Variants in ERICH1 observed in about 807,000 individuals in gnomAD.
ERICH1 encodes glutamate rich 1, also known as glutamate-rich protein 1.
In ERICH1, 56 loss-of-function variants were observed where a neutral mutation model predicts 39.6. The ratio of observed to expected loss-of-function variants is 1.41; its 90% CI spans 1.14 to 1.77. The LOEUF (loss-of-function observed/expected upper bound fraction) is 1.77, where lower values mean the gene tolerates loss of function less well. ERICH1 is among the 40% of genes most tolerant of loss of function. The probability of loss-of-function intolerance (pLI) is 0.00; values close to 1 mark genes in which losing one functional copy is unlikely to be tolerated. For synonymous variants in ERICH1, 313 were observed against 223.6 expected (o/e 1.40, Z -3.57); for missense variants, 826 against 575.4 (o/e 1.44, Z -4.45).
chr8:621,336 C>G (rs1584933619), intron 3 of ERICH1, among the ~76,000 whole-genome samples: 1 of 152,056 alleles, frequency 6.6e-6, no homozygotes, highest in Non-Finnish European at 1.5e-5. Flanking sequence ...AAATCAATAA[C>G]CTTTCTACCT....
intron 3 of ERICH1, chr8:615,410 T>C: frequency 1.8e-6 from 1 of 559,490 alleles, no homozygotes; most frequent in Non-Finnish European, 3.1e-6. Context: ...AAGCCCTGCT[T>C]TCCTCAGTCA....
At chr8:707,077 T>C (rs924074617) in intron 2 of ERICH1, among the ~76,000 whole-genome samples, 15 of 151,958 alleles carry the variant, frequency 9.9e-5, no homozygotes, top group Non-Finnish European at 1.0e-4. Context: ...AATTCAAAAC[T>C]TAGTACACAG....
At chr8:637,622 AGC>A (rs2117177662) in intron 3 of ERICH1, 1 of 152,428 alleles carries the variant, frequency 6.6e-6, no homozygotes, top group East Asian at 1.9e-4. Context: ...AGGGCAGGGA[AGC>A]TGTGTGGGGT....
intron 3 of ERICH1, among the ~76,000 whole-genome samples, chr8:630,106 C>A (rs1181284355): frequency 1.5e-5 from 2 of 135,736 alleles, no homozygotes; most frequent in Admixed American, 7.2e-5. Context: ...CTGACTCACA[C>A]CCTCCCGTGA....
At chr8:639,089 A>G (rs1798697688) in intron 3 of ERICH1, among the ~76,000 whole-genome samples, 1 of 152,152 alleles carries the variant, frequency 6.6e-6, no homozygotes, top group African/African-American at 2.4e-5. Flanking sequence ...GAGGTCATGA[A>G]TGTCCCCAGC....
chr8:715,750 G>C, intron 2 of ERICH1, 111 bp downstream of exon 2: 1 of 1,434,776 alleles, frequency 7.0e-7, no homozygotes, highest in Non-Finnish European at 9.4e-7. Flanking sequence ...GCCCTCTGCA[G>C]ACCTGCAGAC....
chr8:632,912 C>T (rs1471988486), intron 3 of ERICH1, among the ~76,000 whole-genome samples: 5 of 152,168 alleles, frequency 3.3e-5, no homozygotes, highest in African/African-American at 1.2e-4. Context: ...ACAAGACGTC[C>T]CACGGTGCAC....
At chr8:630,417 G>A (rs1160386600) in intron 3 of ERICH1, among the ~76,000 whole-genome samples, 1 of 139,620 alleles carries the variant, frequency 7.2e-6, no homozygotes, top group East Asian at 2.3e-4. Context: ...ACCCTCCTGT[G>A]ACCACCCACA....
In ERICH1 at chr8:664,482, G is replaced by C; in HGVS notation, c.*121C>G. 1 of 1,329,092 alleles carries C rather than the reference G, an allele frequency of 7.5e-7. No individual in the cohort carries two copies. The highest frequency in any genetic ancestry group is 9.7e-7 in the Non-Finnish European group (1 of 1,035,746). The allele number at this position is 1,329,092 out of a possible 1,614,324, so 82.3% of individuals were successfully genotyped here. A position where few individuals can be genotyped will look rare whatever the true frequency, so the allele number is the denominator to read the frequency against. On this transcript the variant is annotated 3_prime_UTR_variant, in exon 6 of 6. Coordinates refer to ENST00000262109, the MANE Select transcript of ERICH1 (RefSeq NM_207332.3). ...TCTTGCCCACCAGGAACAAACACGT[G>C]AATAAATAATATGGCATAAATGTCT...
chr8:719,488 G>A lies in ERICH1; in HGVS notation c.23-3481C>T, dbSNP rs567439601. The stretch of plus-strand genomic sequence containing the variant: ...CTTCTCTCAGCTGACGCCCGCGGTC[G>A]CCCGCAGGTGCTGTGAGGTCTGCTG... On this transcript the variant is annotated intron_variant, in intron 1 of 5. Transcript: ENST00000262109. Among the ~76,000 whole-genome samples the A allele has an allele frequency of 1.1e-3, 164 of 152,348 alleles. 1 individual carries two copies. The highest frequency in any genetic ancestry group is 3.6e-3 in the African/African-American group (150 of 41,578).
At chr8:705,533 T>C (rs1026824725) in intron 2 of ERICH1, among the ~76,000 whole-genome samples, 19 of 152,108 alleles carry the variant, frequency 1.2e-4, no homozygotes, top group African/African-American at 4.3e-4. Context: ...TTCTTCAACA[T>C]GATAAAGGCC....
intron 2 of ERICH1, among the ~76,000 whole-genome samples, chr8:701,296 G>C (rs539445880): frequency 1.3e-5 from 2 of 151,980 alleles, no homozygotes; most frequent in East Asian, 3.9e-4. Flanking sequence ...CGCCGGACGG[G>C]AGCACGCCAT....
chr8:721,419 G>A lies in ERICH1; in HGVS notation c.23-5412C>T, dbSNP rs529703231. Among the ~76,000 whole-genome samples, 54 of 152,326 alleles carry A rather than the reference G, an allele frequency of 3.5e-4. 1 individual carries two copies. The South Asian group carries it at 4.1e-3, about 12-fold the overall frequency. On this transcript the variant is annotated intron_variant, in intron 1 of 5. Transcript: ENST00000262109. ...CCAGAGATGAGAGCATGGAGGTTGGGGCTGGGAGAGACCTCACGGACACGG... is the reference window on the plus strand; with the variant it reads ...CCAGAGATGAGAGCATGGAGGTTGGAGCTGGGAGAGACCTCACGGACACGG...
chr8:642,827 G>C lies in ERICH1; in HGVS notation c.976+25771C>G, dbSNP rs185621158. On this transcript the variant is annotated intron_variant, in intron 3 of 3. Transcript: ENST00000522706. ...GCACACCCAGGATGTCTACAGGACT[G>C]GGGGCTGGAAAATTGAGTGACATCT... 8.2e-4 allele frequency among the ~76,000 whole-genome samples: 125 copies of C among 152,234 alleles called. 1 individual carries two copies. Among genetic ancestry groups the C allele is most frequent in the African/African-American group, 2.2e-3 (92 of 41,530 alleles).
chr8:716,924 G>T (rs1816135392), intron 1 of ERICH1, among the ~76,000 whole-genome samples: 1 of 152,134 alleles, frequency 6.6e-6, no homozygotes, highest in African/African-American at 2.4e-5. Flanking sequence ...CCTAATTCTG[G>T]CCTCTGGGAC....
chr8:725,356 CT>C (rs1818356464), intron 1 of ERICH1: 1 of 153,724 alleles, frequency 6.5e-6, no homozygotes, highest in South Asian at 1.9e-4. Flanking sequence ...GATCGGTCAC[CT>C]GGCTGGGTCC....
chr8:681,906 G>C (rs35028499), intron 3 of ERICH1, among the ~76,000 whole-genome samples: 7,024 of 152,080 alleles, frequency 0.046, 213 homozygotes, highest in Middle Eastern at 0.072. Flanking sequence ...CACCTGATTG[G>C]GCTCCTCACC....
At chr8:622,647 C>G (rs985063988) in intron 3 of ERICH1, among the ~76,000 whole-genome samples, 2 of 152,084 alleles carry the variant, frequency 1.3e-5, no homozygotes, top group Admixed American at 6.6e-5. Context: ...GCTTCACTAG[C>G]AAATTCTATC....
chr8:646,633 G>A lies in ERICH1; in HGVS notation c.976+21965C>T, dbSNP rs1799496298. 2.9e-5 allele frequency among the ~76,000 whole-genome samples: 2 copies of A among 68,812 alleles called. 1 individual carries two copies. The highest frequency in any genetic ancestry group is 9.1e-5 in the Non-Finnish European group (2 of 21,912). 45.1% of individuals were successfully genotyped at this position (68,812 alleles called of 152,430 possible). A position where few individuals can be genotyped will look rare whatever the true frequency, so the allele number is the denominator to read the frequency against. ...CCGAGCCCCTTCCGCGAGGCTGGAC[G>A]CTGATGGAGCCACACAAGCCGCAGC... On this transcript the variant is annotated intron_variant, in intron 3 of 3. Coordinates refer to the ERICH1 transcript ENST00000522706.
Sources: gnomAD v4.1 joint callset for allele counts (sites outside exome capture counted in the v4.1 genomes callset) on GRCh38, gnomAD v4.1.1 for gene constraint, MANE v1.5 for transcripts, NCBI Gene and HGNC (gene_info 2026-07-23, HGNC 2026-07-21) for gene names.